Variants in PAG1 observed in about 807,000 individuals in gnomAD.
PAG1 encodes the protein phosphoprotein associated with glycosphingolipid-enriched microdomains 1.
Under a neutral mutation model 31.7 loss-of-function variants are expected in PAG1, and 23 were observed. The ratio of observed to expected loss-of-function variants is 0.73; its 90% CI spans 0.52 to 1.03. The LOEUF is 1.03. PAG1 is among the 50% of genes least tolerant of loss of function. The pLI, the probability that PAG1 is intolerant of heterozygous loss-of-function variation, is 0.00. For synonymous variants in PAG1, 214 were observed against 210.3 expected (o/e 1.02, Z -0.15); for missense variants, 473 against 540.7 (o/e 0.87, Z 1.24).
Position 80,975,716 on chromosome 8 carries a change from G to C in PAG1, c.*828C>G, listed in dbSNP as rs1807164931. On this transcript the variant is annotated 3_prime_UTR_variant, in exon 9 of 9. Transcript: ENST00000220597. ...TGAGTTCTGGGCTTAAACAAGTCTA[G>C]AAGTACCACAATACTCATGGAAAAT... 6.6e-6 allele frequency: 1 copy of C among 152,180 alleles called. No individual in the cohort carries two copies. Among genetic ancestry groups the C allele is most frequent in the Non-Finnish European group, 1.5e-5 (1 of 68,028 alleles). 9.4% of individuals were successfully genotyped at this position (152,180 alleles called of 1,614,324 possible).
intron 2 of PAG1, among the ~76,000 whole-genome samples, chr8:81,043,850 C>T (rs910325718): frequency 5.9e-5 from 9 of 152,212 alleles, no homozygotes; most frequent in Non-Finnish European, 1.3e-4. Flanking sequence ...CTGGATTTCA[C>T]TACCAATCAA....
intron 3 of PAG1, among the ~76,000 whole-genome samples, chr8:81,008,504 T>C (rs1245503319): frequency 1.3e-5 from 2 of 149,520 alleles, no homozygotes; most frequent in Non-Finnish European, 3.0e-5. Context: ...CTATTAATAC[T>C]CTCCCAAAGT....
At chr8:81,081,998 A>AT (rs1021402009) in intron 1 of PAG1, among the ~76,000 whole-genome samples, 2 of 152,140 alleles carry the variant, frequency 1.3e-5, no homozygotes, top group Non-Finnish European at 2.9e-5. Flanking sequence ...CACGCCTGTA[A>AT]TCCCAGCACT....
intron 2 of PAG1, among the ~76,000 whole-genome samples, chr8:81,043,716 G>A (rs577303784): frequency 6.6e-6 from 1 of 152,276 alleles, no homozygotes; most frequent in Non-Finnish European, 1.5e-5. Context: ...TCCTAGACAT[G>A]GAGTTGCTGA....
intron 1 of PAG1, among the ~76,000 whole-genome samples, chr8:81,090,498 G>A (rs780452867): frequency 1.6e-4 from 25 of 152,144 alleles, no homozygotes; most frequent in Non-Finnish European, 3.5e-4. Flanking sequence ...ATGTGACATC[G>A]GCCTTCAAGA....
intron 1 of PAG1, among the ~76,000 whole-genome samples, chr8:81,087,924 T>C (rs1198153691): frequency 6.6e-6 from 1 of 152,220 alleles, no homozygotes; most frequent in Admixed American, 6.5e-5. Flanking sequence ...GAGATGTCAT[T>C]GGGCCCCTCC....
At chr8:81,096,518 T>C (rs1240444216) in intron 1 of PAG1, among the ~76,000 whole-genome samples, 1 of 152,132 alleles carries the variant, frequency 6.6e-6, no homozygotes, top group Non-Finnish European at 1.5e-5. Context: ...TCAGCAAAAT[T>C]ATGTTCTACA....
rs1807142331 is a variant in PAG1 at position 80,974,397 on chromosome 8, T to G, written c.*2147A>C. On this transcript the variant is annotated 3_prime_UTR_variant, in exon 9 of 9. Coordinates refer to ENST00000220597, the MANE Select transcript of PAG1 (RefSeq NM_018440.4). ...CAGTGAAAATCATCCAGCAAAGCAGTGCTTATGAGAGACTAGAATTCAGAG... is the reference window on the plus strand; with the variant it reads ...CAGTGAAAATCATCCAGCAAAGCAGGGCTTATGAGAGACTAGAATTCAGAG... 1 of 152,204 alleles carries G rather than the reference T, an allele frequency of 6.6e-6. No individual in the cohort carries two copies. The highest frequency in any genetic ancestry group is 2.1e-4 in the South Asian group (1 of 4,836). The allele number at this position is 152,204 out of a possible 1,614,324, so 9.4% of individuals were successfully genotyped here.
chr8:81,020,164 G>T (rs1237456104), intron 3 of PAG1, among the ~76,000 whole-genome samples: 1 of 152,132 alleles, frequency 6.6e-6, no homozygotes, highest in Non-Finnish European at 1.5e-5. Context: ...ACTTGTTTTT[G>T]ATTTTACAGG....
At chr8:81,002,980 C>T (rs535809679) in intron 3 of PAG1, among the ~76,000 whole-genome samples, 1 of 152,298 alleles carries the variant, frequency 6.6e-6, no homozygotes, top group Non-Finnish European at 1.5e-5. Context: ...GGGTGTGACT[C>T]CTAGGCCCCT....
At chr8:81,056,148 T>C (rs1212028739) in intron 2 of PAG1, among the ~76,000 whole-genome samples, 1 of 152,186 alleles carries the variant, frequency 6.6e-6, no homozygotes, top group Non-Finnish European at 1.5e-5. Flanking sequence ...ACCTAATTTG[T>C]TGAGAGTTTT....
Position 80,976,729 on chromosome 8 carries a change from T to G in PAG1, c.1114A>C (p.Thr372Pro). The G allele has an allele frequency of 3.1e-6, 5 of 1,614,086 alleles. No homozygotes were observed. The highest frequency in any genetic ancestry group is 4.2e-6 in the Non-Finnish European group (5 of 1,179,984). Residue 372 changes from threonine (T) to proline (P), a missense_variant, in exon 9 of 9, where the codon ACA becomes CCA. Coordinates refer to ENST00000220597, the MANE Select transcript of PAG1 (RefSeq NM_018440.4). ...CTGGGCCTCCCTGCTGGTGGAAGTG[T>G]GCTGTTTGGAGTTTTTTCGAAGTCT... ...VKDFEKTPNS[T>P]LPPAGRPSEE...
intron 2 of PAG1, among the ~76,000 whole-genome samples, chr8:81,048,474 C>A (rs1482362625): frequency 6.6e-6 from 1 of 152,144 alleles, no homozygotes; most frequent in Non-Finnish European, 1.5e-5. Context: ...ATGAATTCTC[C>A]TCTGATCCTC....
At chr8:81,040,048 T>C (rs955382349) in intron 2 of PAG1, among the ~76,000 whole-genome samples, 2 of 152,228 alleles carry the variant, frequency 1.3e-5, no homozygotes, top group African/African-American at 4.8e-5. Context: ...TTAAGACTGA[T>C]ATGCTACATC....
chr8:81,048,783 C>T (rs1808682075), intron 2 of PAG1, among the ~76,000 whole-genome samples: 1 of 152,118 alleles, frequency 6.6e-6, no homozygotes, highest in Non-Finnish European at 1.5e-5. Context: ...ATCTTAAAAG[C>T]TGTTGTGAGA....
intron 3 of PAG1, among the ~76,000 whole-genome samples, chr8:81,000,391 A>C (rs1224136096): frequency 6.6e-6 from 1 of 152,206 alleles, no homozygotes; most frequent in East Asian, 1.9e-4. Flanking sequence ...CAAACAATTA[A>C]AAAATAAGCT....
intron 2 of PAG1, among the ~76,000 whole-genome samples, chr8:81,064,767 A>G (rs1052067330): frequency 2.0e-5 from 3 of 152,188 alleles, no homozygotes; most frequent in East Asian, 1.9e-4. Flanking sequence ...TCATGAAGTG[A>G]ATAGCAATCA....
chr8:80,976,565 G>C lies in PAG1; in HGVS notation c.1278C>G (p.Gly426=), dbSNP rs760118723. ...DYESISDLQQ[G]RDITRL ...GTTGCTAGAGCCTGGTAATATCTCT[G>C]CCTTGCTGCAAGTCACTTATGCTCT... The change falls in exon 9 of 9, where the codon GGC becomes GGG. Residue 426 remains glycine (G), a synonymous_variant. Coordinates refer to ENST00000220597, the MANE Select transcript of PAG1 (RefSeq NM_018440.4). 4 of 1,613,074 alleles carry C rather than the reference G, an allele frequency of 2.5e-6. No individual in the cohort carries two copies. Among genetic ancestry groups the C allele is most frequent in the Non-Finnish European group, 3.4e-6 (4 of 1,179,696 alleles).
At chr8:81,057,735 GT>G (rs1808851232) in intron 2 of PAG1, among the ~76,000 whole-genome samples, 1 of 152,038 alleles carries the variant, frequency 6.6e-6, no homozygotes, top group Non-Finnish European at 1.5e-5. Context: ...AACTGAGTAT[GT>G]TTCATGTGAT....
Sources: gnomAD v4.1 joint callset for allele counts (sites outside exome capture counted in the v4.1 genomes callset) on GRCh38, gnomAD v4.1.1 for gene constraint, MANE v1.5 for transcripts, NCBI Gene and HGNC (gene_info 2026-07-23, HGNC 2026-07-21) for gene names.